ZNF664: variants seen among roughly 807,000 people sequenced by gnomAD.
ZNF664 encodes the protein zinc finger Organ of Corti 1.
In ZNF664, 10 loss-of-function variants were observed where a neutral mutation model predicts 18.2. The observed-to-expected ratio is 0.55, with a 90% CI of 0.34 to 0.93. ZNF664 has a LOEUF of 0.93. Among genes scored for constraint, ZNF664 ranks in the 40% least tolerant of loss-of-function variants. The probability of loss-of-function intolerance (pLI) is 0.02; values close to 1 mark genes in which losing one functional copy is unlikely to be tolerated. For synonymous variants in ZNF664, 119 were observed against 104.2 expected (o/e 1.14, Z -0.86); for missense variants, 193 against 319.0 (o/e 0.61, Z 3.01).
Position 124,011,868 on chromosome 12 carries a change from A to G in ZNF664, c.-277A>G. The G allele has an allele frequency of 8.1e-7, 1 of 1,234,968 alleles. No homozygotes were observed. Among genetic ancestry groups the G allele is most frequent in the East Asian group, 4.4e-5 (1 of 22,876 alleles). The allele number at this position is 1,234,968 out of a possible 1,614,324, so 76.5% of individuals were successfully genotyped here. The stretch of plus-strand genomic sequence containing the variant: ...GAATGTTGACAACTCAGGATCTAAA[A>G]CAAAGTTCTGTGTTAATGAGTTACA... On this transcript the variant is annotated 5_prime_UTR_variant, in exon 5 of 5. Transcript: ENST00000337815.
At chr12:123,988,333 C>G (rs1329091017) in intron 3 of ZNF664, among the ~76,000 whole-genome samples, 195 bp downstream of exon 3, 1 of 152,230 alleles carries the variant, frequency 6.6e-6, no homozygotes, top group African/African-American at 2.4e-5. Context: ...GACCACCTTC[C>G]TTACTCTAAA....
chr12:123,994,115 G>C (rs536492713), intron 3 of ZNF664, among the ~76,000 whole-genome samples: 1 of 152,084 alleles, frequency 6.6e-6, no homozygotes, highest in Non-Finnish European at 1.5e-5. Flanking sequence ...ACTTTGGGGG[G>C]CGTTTTTCTT....
At chr12:123,974,067 C>T (rs1173863609) in intron 2 of ZNF664, 47 bp downstream of exon 2, 5 of 1,158,826 alleles carry the variant, frequency 4.3e-6, no homozygotes, top group African/African-American at 1.7e-5. Flanking sequence ...CTCCCGCCTC[C>T]GCAGGCGTTC....
At chr12:123,980,382 A>G (rs1956749506) in intron 2 of ZNF664, among the ~76,000 whole-genome samples, 1 of 152,194 alleles carries the variant, frequency 6.6e-6, no homozygotes, top group African/African-American at 2.4e-5. Flanking sequence ...GGTAAAAATG[A>G]CACACTCTTA....
At chr12:123,990,409 A>C (rs944892883) in intron 3 of ZNF664, among the ~76,000 whole-genome samples, 9 of 151,942 alleles carry the variant, frequency 5.9e-5, no homozygotes, top group South Asian at 2.1e-4. Context: ...CTAATTACCC[A>C]CTTTTCATTT....
At chr12:123,977,220 T>A (rs1169592202) in intron 2 of ZNF664, among the ~76,000 whole-genome samples, 1 of 152,044 alleles carries the variant, frequency 6.6e-6, no homozygotes, top group Non-Finnish European at 1.5e-5. Context: ...TATCAGAGAG[T>A]CAAATTAAAA....
rs551377377 is a variant in ZNF664, at chr12:123,980,942, T to G, written c.-757+6922T>G. On this transcript the variant is annotated intron_variant, in intron 2 of 4. Transcript: ENST00000337815. ...AAATAGACATGAGCACTTTTTTTTTTGGTTAAAGCCAATGAATAAATTTGG... is the reference window on the plus strand; with the variant it reads ...AAATAGACATGAGCACTTTTTTTTTGGGTTAAAGCCAATGAATAAATTTGG... 1.8e-4 allele frequency among the ~76,000 whole-genome samples: 28 copies of G among 152,306 alleles called. No homozygotes were observed. In the South Asian group the frequency reaches 3.1e-3, roughly 17 times the overall value.
At position 124,005,520 on chromosome 12, in the gene ZNF664, T is replaced by TGTGTGTGTGA. The variant is rs1471279881; in HGVS notation, c.-660-5856_-660-5855insTGTGAGTGTG. On this transcript the variant is annotated intron_variant, in intron 3 of 4. Transcript: ENST00000337815. ...GTGTGTGTGTGTGTGTGTGTGTGTG[T>TGTGTGTGTGA]GTGTGAGAGATAGGCCAGCATGTCT... 3.3e-5 allele frequency among the ~76,000 whole-genome samples: 5 copies of TGTGTGTGTGA among 149,418 alleles called. No homozygotes were observed. In the Admixed American group the frequency reaches 3.4e-4, roughly 10 times the overall value.
intron 3 of ZNF664, among the ~76,000 whole-genome samples, chr12:124,008,397 C>A (rs565169892): frequency 6.6e-6 from 1 of 152,120 alleles, no homozygotes; most frequent in African/African-American, 2.4e-5. Flanking sequence ...ATGCTAAGAT[C>A]GATCCCTGGC....
intron 3 of ZNF664, among the ~76,000 whole-genome samples, chr12:124,009,738 A>C (rs1957112793): frequency 6.6e-6 from 1 of 151,798 alleles, no homozygotes; most frequent in Non-Finnish European, 1.5e-5. Flanking sequence ...CTGGTCTCAG[A>C]CTCCTAGCCT....
intron 3 of ZNF664, among the ~76,000 whole-genome samples, chr12:123,995,690 C>T (rs530025171): frequency 1.6e-4 from 24 of 152,248 alleles, no homozygotes; most frequent in Admixed American, 9.2e-4. Context: ...TGGAAGGGGA[C>T]GTGGAGGAAC....
chr12:124,003,094 G>T (rs1386760085), intron 3 of ZNF664, among the ~76,000 whole-genome samples: 1 of 152,200 alleles, frequency 6.6e-6, no homozygotes, highest in South Asian at 2.1e-4. Context: ...TCAGTGGCAT[G>T]TTGGGAAAGA....
At chr12:123,988,236 C>A in intron 3 of ZNF664, 98 bp downstream of exon 3, 1 of 1,139,476 alleles carries the variant, frequency 8.8e-7, no homozygotes, top group Non-Finnish European at 1.1e-6. Flanking sequence ...TGAGCATGTG[C>A]CCTTTGGGCT....
chr12:123,990,222 T>C (rs1475595703), intron 3 of ZNF664, among the ~76,000 whole-genome samples: 3 of 152,222 alleles, frequency 2.0e-5, no homozygotes, highest in African/African-American at 7.2e-5. Flanking sequence ...AGTGTGTATA[T>C]ATGTAACACT....
Position 124,011,895 on chromosome 12 carries a change from A to C in ZNF664, c.-250A>C. 1 of 1,291,348 alleles carries C rather than the reference A, an allele frequency of 7.7e-7. No homozygotes were observed. 80.0% of individuals were successfully genotyped at this position (1,291,348 alleles called of 1,614,324 possible). On this transcript the variant is annotated 5_prime_UTR_variant, in exon 5 of 5. Coordinates refer to ENST00000337815, the MANE Select transcript of ZNF664 (RefSeq NM_152437.3). ...AAAGTTCTGTGTTAATGAGTTACAG[A>C]ATTCACGTGGAAGTCAATGTCACTT...
rs776256233 is a variant in ZNF664, at chr12:124,012,099, T to A, written c.-46T>A. 6.4e-7 allele frequency: 1 copy of A among 1,561,818 alleles called. No homozygotes were observed. The highest frequency in any genetic ancestry group is 2.0e-5 in the Admixed American group (1 of 49,810). ...AATAACAGTCTTGTAACTGTAGTAATCATAAGGAAATTTTCTCCTTGAAAT... is the reference window on the plus strand; with the variant it reads ...AATAACAGTCTTGTAACTGTAGTAAACATAAGGAAATTTTCTCCTTGAAAT... On this transcript the variant is annotated 5_prime_UTR_variant, in exon 5 of 5. Coordinates refer to ENST00000337815, the MANE Select transcript of ZNF664 (RefSeq NM_152437.3).
chr12:124,013,989 C>T lies in ZNF664; in HGVS notation c.*1059C>T, dbSNP rs999938273. 1.2e-5 allele frequency: 2 copies of T among 167,064 alleles called. No individual in the cohort carries two copies. Among genetic ancestry groups the T allele is most frequent in the Non-Finnish European group, 2.9e-5 (2 of 68,136 alleles). 10.3% of individuals were successfully genotyped at this position (167,064 alleles called of 1,614,324 possible). A position where few individuals can be genotyped will look rare whatever the true frequency, so the allele number is the denominator to read the frequency against. On this transcript the variant is annotated 3_prime_UTR_variant, in exon 5 of 5. Transcript: ENST00000337815. Reference sequence around the variant, plus strand: ...TCATTCAACAAATATGTATTGAACACCTCCTATATGCCAGGCACTGTGCTA... The same window carrying T: ...TCATTCAACAAATATGTATTGAACATCTCCTATATGCCAGGCACTGTGCTA...
Position 123,973,326 on chromosome 12 carries a change from C to G in ZNF664, c.-918C>G. 9 of 851,834 alleles carry G rather than the reference C, an allele frequency of 1.1e-5. No individual in the cohort carries two copies. The highest frequency in any genetic ancestry group is 1.3e-5 in the Non-Finnish European group (9 of 713,842). The allele number at this position is 851,834 out of a possible 1,614,324, so 52.8% of individuals were successfully genotyped here. A position where few individuals can be genotyped will look rare whatever the true frequency, so the allele number is the denominator to read the frequency against. On this transcript the variant is annotated 5_prime_UTR_variant, in exon 1 of 5. Transcript: ENST00000337815. ...GAGGTGGGTGCGCGGCGCCCGCGGC[C>G]TGGGGCGCTGACTCCCCTCACTTGG...
chr12:123,979,209 A>G (rs1956731511), intron 2 of ZNF664, among the ~76,000 whole-genome samples: 1 of 152,242 alleles, frequency 6.6e-6, no homozygotes, highest in Non-Finnish European at 1.5e-5. Flanking sequence ...GACTGGGAAA[A>G]CAACCTGTAG....
Sources: allele counts gnomAD v4.1 joint callset (sites outside exome capture counted in the v4.1 genomes callset), GRCh38; gene constraint gnomAD v4.1.1; transcripts MANE v1.5; gene names NCBI Gene and HGNC (gene_info 2026-07-23, HGNC 2026-07-21).